The following WWC2 variants were observed in gnomAD, a reference collection of about 807,000 sequenced individuals.
WWC2 encodes the protein WW and C2 domain containing 2, also known as protein WWC2.
In WWC2, 101 loss-of-function variants were observed where a neutral mutation model predicts 138.5. The observed-to-expected ratio is 0.73, with a 90% CI of 0.62 to 0.86. WWC2 has a LOEUF of 0.86. Among genes scored for constraint, WWC2 ranks in the 40% least tolerant of loss-of-function variants. The pLI is 0.00. For missense variants in WWC2, 1,420 were observed against 1,419.4 expected (o/e 1.00, Z -0.01); for synonymous variants, 558 against 538.4 (o/e 1.04, Z -0.50).
At chr4:183,261,594 G>A in intron 11 of WWC2, 62 bp downstream of exon 11, 1 of 1,490,960 alleles carries the variant, frequency 6.7e-7, no homozygotes, top group Non-Finnish European at 9.0e-7. Context: ...AATGATTGGA[G>A]CATTATTTTT....
Position 183,220,336 on chromosome 4 carries a change from G to C in WWC2, c.522+11311G>C, listed in dbSNP as rs114637677. Among the ~76,000 whole-genome samples the C allele has an allele frequency of 3.8e-3, 573 of 152,226 alleles. 6 individuals carry two copies. Among genetic ancestry groups the C allele is most frequent in the African/African-American group, 0.013 (536 of 41,530 alleles). On this transcript the variant is annotated intron_variant, in intron 4 of 22. Coordinates refer to ENST00000403733, the MANE Select transcript of WWC2 (RefSeq NM_024949.6). Reference sequence around the variant, plus strand: ...TAAGCTGCTAAGTCTGTGGTAATTTGTCCTGCAGCATCAGAAAACTCATAT... The same window carrying C: ...TAAGCTGCTAAGTCTGTGGTAATTTCTCCTGCAGCATCAGAAAACTCATAT...
Position 183,261,087 on chromosome 4 carries a change from C to T in WWC2, c.1464C>T (p.Phe488=), listed in dbSNP as rs1253811004. ...TGGATTATCAGTATAAACTGGACTT[C>T]CTTCTGCAAGAGAAAAGCGGTTACA... ...IDVDYQYKLD[F]LLQEKSGYIP... is the part of the protein sequence containing the mutation. Residue 488 remains phenylalanine (F), a synonymous_variant, in exon 11 of 23, where the codon TTC becomes TTT. Coordinates refer to ENST00000403733, the MANE Select transcript of WWC2 (RefSeq NM_024949.6). The T allele has an allele frequency of 1.9e-6, 3 of 1,613,884 alleles. No homozygotes were observed. Among genetic ancestry groups the T allele is most frequent in the Admixed American group, 1.7e-5 (1 of 60,006 alleles).
intron 21 of WWC2, among the ~76,000 whole-genome samples, chr4:183,303,167 A>G (rs1738913856): frequency 6.6e-6 from 1 of 152,070 alleles, no homozygotes; most frequent in South Asian, 2.1e-4. Context: ...ACTCCCCCTC[A>G]TTAAATGGAT....
chr4:183,107,200 C>T (rs552708368), intron 1 of WWC2, among the ~76,000 whole-genome samples: 61 of 152,018 alleles, frequency 4.0e-4, no homozygotes, highest in African/African-American at 1.5e-3. Flanking sequence ...CTCTCTTGCC[C>T]AGGCTGGAGT....
intron 1 of WWC2, among the ~76,000 whole-genome samples, chr4:183,155,849 C>T (rs1014512440): frequency 2.0e-5 from 3 of 152,094 alleles, no homozygotes; most frequent in Non-Finnish European, 4.4e-5. Context: ...GTACCTTTTT[C>T]CGGTTCTGTC....
chr4:183,101,729 A>G (rs1205039113), intron 1 of WWC2, among the ~76,000 whole-genome samples: 1 of 152,210 alleles, frequency 6.6e-6, no homozygotes, highest in Admixed American at 6.5e-5. Context: ...TACCAAACAT[A>G]TGGAAAGAGA....
chr4:183,204,749 T>G (rs923353568), intron 2 of WWC2, among the ~76,000 whole-genome samples: 3 of 152,356 alleles, frequency 2.0e-5, no homozygotes, highest in South Asian at 2.1e-4. Context: ...AAAAGAGCTT[T>G]CTTCTTGCTC....
chr4:183,261,184 G>A lies in WWC2; in HGVS notation c.1561G>A (p.Gly521Arg), dbSNP rs1737314731. The A allele has an allele frequency of 1.2e-6, 2 of 1,613,614 alleles. No individual in the cohort carries two copies. The highest frequency in any genetic ancestry group is 1.7e-6 in the Non-Finnish European group (2 of 1,179,764). ...VKSPSQPGQS[G>R]LCGVAAAATG... is the part of the protein sequence containing the mutation. Reference sequence around the variant, plus strand: ...GTCCCCTAGCCAGCCTGGCCAGAGTGGACTCTGTGGAGTGGCAGCTGCAGC... The same window carrying A: ...GTCCCCTAGCCAGCCTGGCCAGAGTAGACTCTGTGGAGTGGCAGCTGCAGC... Residue 521 changes from glycine (G) to arginine (R), a missense_variant, in exon 11 of 23, where the codon GGA becomes AGA. By Grantham distance (125) the Gly-to-Arg change is moderately radical. Coordinates refer to ENST00000403733, the MANE Select transcript of WWC2 (RefSeq NM_024949.6).
rs1482108833 is a variant in WWC2, at chr4:183,319,492, A to T, written c.*3763A>T. 3.4e-6 allele frequency: 5 copies of T among 1,460,256 alleles called. No individual in the cohort carries two copies. The highest frequency in any genetic ancestry group is 4.6e-6 in the Non-Finnish European group (5 of 1,080,014). 90.5% of individuals were successfully genotyped at this position (1,460,256 alleles called of 1,614,324 possible). On this transcript the variant is annotated 3_prime_UTR_variant, in exon 23 of 23. Transcript: ENST00000403733. The stretch of plus-strand genomic sequence containing the variant: ...AGCACAGTGAGATGACTAGAGCGGG[A>T]CATCCTACCAAATCCAGTGTTGAGC...
At chr4:183,183,355 C>T (rs201778256) in intron 1 of WWC2, among the ~76,000 whole-genome samples, 122 of 37,476 alleles carry the variant, frequency 3.3e-3, no homozygotes, top group Admixed American at 9.6e-3. Flanking sequence ...CACCTGGAAT[C>T]AACATTTTAA....
chr4:183,127,202 A>T (rs2111061985), intron 1 of WWC2, among the ~76,000 whole-genome samples: 1 of 152,318 alleles, frequency 6.6e-6, no homozygotes, highest in Middle Eastern at 3.4e-3. Flanking sequence ...GTATAAAATT[A>T]TTCCTTAAGG....
At chr4:183,285,864 A>T in intron 19 of WWC2, 103 bp from the exon 20 acceptor site, 2 of 1,055,262 alleles carry the variant, frequency 1.9e-6, no homozygotes, top group Non-Finnish European at 2.8e-6. Context: ...ATAAACTCTT[A>T]ACTATGACTA....
At chr4:183,127,484 C>G (rs1313352165) in intron 1 of WWC2, among the ~76,000 whole-genome samples, 6 of 152,140 alleles carry the variant, frequency 3.9e-5, no homozygotes, top group Non-Finnish European at 8.8e-5. Context: ...CAAGGATGAA[C>G]TAGGGGCTAG....
At chr4:183,275,564 T>C (rs1737825117) in intron 16 of WWC2, among the ~76,000 whole-genome samples, 2 of 152,178 alleles carry the variant, frequency 1.3e-5, no homozygotes, top group African/African-American at 4.8e-5. Context: ...GTTGAGATGG[T>C]CATGTGGTTT....
At chr4:183,164,393 T>TA (rs1170985795) in intron 1 of WWC2, among the ~76,000 whole-genome samples, 5 of 664 alleles carry the variant, frequency 7.5e-3, no homozygotes, top group African/African-American at 0.019. Flanking sequence ...ATATTATATA[T>TA]ACATATATAT....
chr4:183,250,876 T>C (rs1282373951), intron 8 of WWC2, among the ~76,000 whole-genome samples: 2 of 152,332 alleles, frequency 1.3e-5, no homozygotes, highest in East Asian at 3.9e-4. Flanking sequence ...GTATATTCCT[T>C]ATTATTGGTG....
At chr4:183,279,083 C>T (rs887761072) in intron 16 of WWC2, among the ~76,000 whole-genome samples, 19 of 152,036 alleles carry the variant, frequency 1.2e-4, no homozygotes, top group African/African-American at 3.9e-4. Flanking sequence ...GCTTCCAGTT[C>T]TTGCCCATTC....
chr4:183,304,723 C>T (rs1738967687), intron 21 of WWC2, among the ~76,000 whole-genome samples: 1 of 152,126 alleles, frequency 6.6e-6, no homozygotes, highest in Non-Finnish European at 1.5e-5. Context: ...GGAGCACAGG[C>T]CTACTAAAAG....
At chr4:183,266,917 G>A (rs1332845632) in intron 14 of WWC2, among the ~76,000 whole-genome samples, 2 of 152,106 alleles carry the variant, frequency 1.3e-5, no homozygotes, top group Admixed American at 6.5e-5. Flanking sequence ...AGAGTTGCTT[G>A]TAAGTTCACC....
Sources: allele counts gnomAD v4.1 joint callset (sites outside exome capture counted in the v4.1 genomes callset), GRCh38; gene constraint gnomAD v4.1.1; transcripts MANE v1.5; gene names NCBI Gene and HGNC (gene_info 2026-07-23, HGNC 2026-07-21).